Variants in FUT9 observed in about 807,000 individuals in gnomAD.
FUT9 encodes 4-galactosyl-N-acetylglucosaminide 3-alpha-L-fucosyltransferase 9.
In FUT9, 15 loss-of-function variants were observed where a neutral mutation model predicts 29.7. The observed-to-expected ratio is 0.51, with a 90% CI of 0.34 to 0.78. The LOEUF (loss-of-function observed/expected upper bound fraction) is 0.78. FUT9 is among the 30% of genes least tolerant of loss of function. The pLI is 0.01. For missense variants in FUT9, 319 were observed against 425.4 expected, an observed-to-expected ratio of 0.75 and a Z score of 2.20; for synonymous variants, 169 against 153.7, an observed-to-expected ratio of 1.10 and a Z score of -0.74.
chr6:96,174,320 A>G (rs1475157205), intron 2 of FUT9, among the ~76,000 whole-genome samples: 1 of 152,288 alleles, frequency 6.6e-6, no homozygotes, highest in East Asian at 1.9e-4. Context: ...TGAACTGAGG[A>G]TTACTAATAA....
At position 96,075,816 on chromosome 6, in the gene FUT9, C is replaced by T. The variant is rs566107815; in HGVS notation, c.-97-38223C>T. ...TTGACAATGGGTCAATGAAAGAGGC[C>T]TGTAGGATTCTAAAGTTTAATACAT... On this transcript the variant is annotated intron_variant, in intron 1 of 2. Coordinates refer to ENST00000302103, the MANE Select transcript of FUT9 (RefSeq NM_006581.4). Among the ~76,000 whole-genome samples, 4 of 152,218 alleles carry T rather than the reference C, an allele frequency of 2.6e-5. No individual in the cohort carries two copies. The South Asian group carries it at 8.3e-4, about 32-fold the overall frequency.
At chr6:96,119,435 A>T (rs144691013) in intron 2 of FUT9, among the ~76,000 whole-genome samples, 2 of 152,328 alleles carry the variant, frequency 1.3e-5, no homozygotes, top group African/African-American at 4.8e-5. Context: ...CCACTCTCTG[A>T]TGTTTGCACA....
At chr6:96,142,289 G>A (rs117507035) in intron 2 of FUT9, among the ~76,000 whole-genome samples, 4,513 of 152,118 alleles carry the variant, frequency 0.03, 103 homozygotes, top group South Asian at 0.059. Context: ...CTCATATCTT[G>A]AGAAATACTC....
chr6:96,116,736 A>C (rs1771918388), intron 2 of FUT9, among the ~76,000 whole-genome samples: 1 of 152,190 alleles, frequency 6.6e-6, no homozygotes, highest in Non-Finnish European at 1.5e-5. Context: ...ATTCTGAAAA[A>C]GCCAAAACAT....
At position 96,203,404 on chromosome 6, in the gene FUT9, A is replaced by G; in HGVS notation, c.249A>G (p.Gln83=). The change falls in exon 3 of 3, where the codon CAA becomes CAG. Residue 83 remains glutamine, a synonymous_variant. Coordinates refer to ENST00000302103, the MANE Select transcript of FUT9 (RefSeq NM_006581.4). ...AGACCTTTGACCTTACATCCTGCCA[A>G]GCAATGTTCAACATCCAAGGATGCC... is the stretch of plus-strand genomic sequence containing the variant. ...FGQTFDLTSC[Q]AMFNIQGCHL... The G allele has an allele frequency of 4.3e-6, 7 of 1,610,308 alleles. No individual in the cohort carries two copies. The highest frequency in any genetic ancestry group is 5.9e-6 in the Non-Finnish European group (7 of 1,177,560).
At chr6:96,152,143 G>A (rs367758242) in intron 2 of FUT9, among the ~76,000 whole-genome samples, 9 of 152,132 alleles carry the variant, frequency 5.9e-5, no homozygotes, top group African/African-American at 1.9e-4. Flanking sequence ...TTTAAAGTCT[G>A]GTGCTACCCA....
At chr6:96,114,638 G>A (rs1260938001) in intron 2 of FUT9, among the ~76,000 whole-genome samples, 2 of 150,942 alleles carry the variant, frequency 1.3e-5, no homozygotes, top group South Asian at 2.1e-4. Context: ...ATTCATATAT[G>A]TAATTTATTT....
chr6:96,170,163 G>A (rs547707348), intron 2 of FUT9, among the ~76,000 whole-genome samples: 9 of 152,196 alleles, frequency 5.9e-5, no homozygotes, highest in East Asian at 3.9e-4. Context: ...TTTGCCATTC[G>A]AAACTTTTCT....
intron 2 of FUT9, among the ~76,000 whole-genome samples, chr6:96,168,550 A>T (rs1259473643): frequency 6.6e-6 from 1 of 152,218 alleles, no homozygotes; most frequent in Non-Finnish European, 1.5e-5. Flanking sequence ...AATAAGATGA[A>T]GACTGAGAAT....
At chr6:96,035,677 T>A (rs944588239) in intron 1 of FUT9, among the ~76,000 whole-genome samples, 1 of 134,806 alleles carries the variant, frequency 7.4e-6, no homozygotes, top group Admixed American at 7.7e-5. Context: ...TATTAAAATA[T>A]AATATTATAT....
At chr6:96,169,404 T>C (rs929663931) in intron 2 of FUT9, among the ~76,000 whole-genome samples, 5 of 152,212 alleles carry the variant, frequency 3.3e-5, no homozygotes, top group Non-Finnish European at 7.3e-5. Context: ...TTATGGCACA[T>C]AGTAAGTACT....
At chr6:96,039,668 T>A (rs546759114) in intron 1 of FUT9, among the ~76,000 whole-genome samples, 6 of 152,260 alleles carry the variant, frequency 3.9e-5, no homozygotes, top group South Asian at 4.1e-4. Flanking sequence ...ACTTTCCTAT[T>A]ATTTATAACA....
chr6:96,174,205 G>A (rs796489345), intron 2 of FUT9, among the ~76,000 whole-genome samples: 22 of 152,170 alleles, frequency 1.4e-4, no homozygotes, highest in African/African-American at 5.3e-4. Context: ...CACCACTCCT[G>A]TAAAATGACT....
chr6:96,202,798 T>C (rs1210743179), intron 2 of FUT9, among the ~76,000 whole-genome samples: 1 of 152,176 alleles, frequency 6.6e-6, no homozygotes, highest in Non-Finnish European at 1.5e-5. Context: ...GGTTACAAAA[T>C]ACTAAAAATT....
At chr6:96,138,974 A>G (rs757566163) in intron 2 of FUT9, among the ~76,000 whole-genome samples, 3 of 152,186 alleles carry the variant, frequency 2.0e-5, no homozygotes, top group Non-Finnish European at 4.4e-5. Flanking sequence ...TTAAATACAG[A>G]TAATGCAAAT....
intron 1 of FUT9, among the ~76,000 whole-genome samples, chr6:96,086,442 C>A (rs1771318367): frequency 6.6e-6 from 1 of 152,128 alleles, no homozygotes; most frequent in Non-Finnish European, 1.5e-5. Flanking sequence ...ACCAGAAATT[C>A]TTAATTTTGA....
intron 2 of FUT9, among the ~76,000 whole-genome samples, chr6:96,164,959 T>A (rs1324488616): frequency 6.6e-6 from 1 of 152,208 alleles, no homozygotes; most frequent in Non-Finnish European, 1.5e-5. Context: ...ATTTCCATCA[T>A]TACAGGAATT....
Position 96,212,213 on chromosome 6 carries a change from A to G in FUT9, c.*7978A>G, listed in dbSNP as rs1250899929. On this transcript the variant is annotated 3_prime_UTR_variant, in exon 3 of 3. Transcript: ENST00000302103. ...ACATCTCCAGTCTCAGATTGGCCTC[A>G]TTAGCCACCTTCAGTTCCTTAAATG... 2 of 412,572 alleles carry G rather than the reference A, an allele frequency of 4.8e-6. No individual in the cohort carries two copies. Among genetic ancestry groups the G allele is most frequent in the East Asian group, 3.6e-5 (1 of 28,062 alleles). 25.6% of individuals were successfully genotyped at this position (412,572 alleles called of 1,614,324 possible).
chr6:96,170,448 T>C (rs1429168858), intron 2 of FUT9, among the ~76,000 whole-genome samples: 1 of 152,108 alleles, frequency 6.6e-6, no homozygotes, highest in Non-Finnish European at 1.5e-5. Context: ...GTTAGGATTA[T>C]GTACAACAAT....
Sources: allele counts gnomAD v4.1 joint callset (sites outside exome capture counted in the v4.1 genomes callset), GRCh38; gene constraint gnomAD v4.1.1; transcripts MANE v1.5; gene names NCBI Gene and HGNC (gene_info 2026-07-23, HGNC 2026-07-21).